The following TRPM3 variants were observed in gnomAD, a reference collection of about 807,000 sequenced individuals.
TRPM3 encodes long transient receptor potential channel 3.
Under a neutral mutation model 181.2 loss-of-function variants are expected in TRPM3, and 77 were observed. The observed-to-expected ratio is 0.42, with a 90% CI of 0.35 to 0.51. The LOEUF (loss-of-function observed/expected upper bound fraction) is 0.51, where lower values mean the gene tolerates loss of function less well. Among genes scored for constraint, TRPM3 ranks in the 20% least tolerant of loss-of-function variants. The pLI, the probability that TRPM3 is intolerant of heterozygous loss-of-function variation, is 0.01. For synonymous variants in TRPM3, 745 were observed against 796.4 expected, an observed-to-expected ratio of 0.94 and a Z score of 1.09; for missense variants, 1,759 against 2,196.7, an observed-to-expected ratio of 0.80 and a Z score of 3.98.
chr9:71,021,261 G>T (rs2097844723), intron 1 of TRPM3, among the ~76,000 whole-genome samples: 1 of 152,170 alleles, frequency 6.6e-6, no homozygotes. Context: ...ATGAGATTTT[G>T]GGAGGTGCTG....
At chr9:70,884,743 T>G (rs1196107924) in intron 1 of TRPM3, among the ~76,000 whole-genome samples, 1 of 152,162 alleles carries the variant, frequency 6.6e-6, no homozygotes, top group East Asian at 1.9e-4. Context: ...TGATTAAATA[T>G]AAATTATGAC....
intron 1 of TRPM3, among the ~76,000 whole-genome samples, chr9:71,119,635 G>A (rs2073185124): frequency 6.6e-6 from 1 of 152,094 alleles, no homozygotes; most frequent in African/African-American, 2.4e-5. Context: ...GGTTAAAGCT[G>A]ATACATGACT....
chr9:71,158,375 T>C (rs906550545), intron 1 of TRPM3, among the ~76,000 whole-genome samples: 11 of 152,096 alleles, frequency 7.2e-5, no homozygotes, highest in Non-Finnish European at 1.3e-4. Flanking sequence ...ACTACCTAAT[T>C]TAGTCATATC....
upstream of TRPM3, among the ~76,000 whole-genome samples, chr9:71,125,393 G>C (rs138577925): frequency 9.0e-3 from 1,362 of 152,138 alleles, 24 homozygotes; most frequent in African/African-American, 0.031. Flanking sequence ...TACCCTCCCT[G>C]TGTCCATGTG....
intron 1 of TRPM3, among the ~76,000 whole-genome samples, chr9:71,093,269 A>T (rs755601077): frequency 5.3e-5 from 8 of 152,214 alleles, no homozygotes; most frequent in Non-Finnish European, 1.0e-4. Context: ...CTGCACAACG[A>T]AAGAAACTAT....
intron 1 of TRPM3, among the ~76,000 whole-genome samples, chr9:71,311,251 G>A (rs960556820): frequency 1.3e-5 from 2 of 152,060 alleles, no homozygotes; most frequent in African/African-American, 4.8e-5. Flanking sequence ...CTTTTCTCCT[G>A]TACTTATGCT....
At position 70,863,842 on chromosome 9, in the gene TRPM3, G is replaced by A. The variant is rs73467880; in HGVS notation, c.257+590C>T. On this transcript the variant is annotated intron_variant, in intron 2 of 25. Coordinates refer to ENST00000677713, the MANE Select transcript of TRPM3 (RefSeq NM_001366145.2). ...TAGTTTTGAAGGTTAGGTAATTTGC[G>A]CAAGGTTACACGGATAGTCTCTAAG... Among the ~76,000 whole-genome samples the A allele has an allele frequency of 5.0e-3, 766 of 152,158 alleles. 9 individuals carry two copies. Among genetic ancestry groups the A allele is most frequent in the African/African-American group, 0.017 (721 of 41,548 alleles).
intron 1 of TRPM3, among the ~76,000 whole-genome samples, chr9:71,037,310 G>C (rs905134203): frequency 6.6e-6 from 1 of 152,182 alleles, no homozygotes; most frequent in Admixed American, 6.5e-5. Flanking sequence ...ACACCTCAGA[G>C]TTAAGTCTTG....
At chr9:71,441,415 A>G (rs1299372672) in intron 1 of TRPM3, among the ~76,000 whole-genome samples, 3 of 152,172 alleles carry the variant, frequency 2.0e-5, no homozygotes, top group Non-Finnish European at 2.9e-5. Flanking sequence ...CTCTGCTTTC[A>G]TCAGGAGAGC....
intron 1 of TRPM3, among the ~76,000 whole-genome samples, chr9:70,874,645 T>C (rs180697399): frequency 6.6e-6 from 1 of 152,090 alleles, no homozygotes; most frequent in Admixed American, 6.6e-5. Context: ...GCCAAAGAAA[T>C]GTGCTGAGTC....
chr9:71,096,580 ACACACACACACT>A (rs1396086964), intron 1 of TRPM3, among the ~76,000 whole-genome samples: 3 of 104,026 alleles, frequency 2.9e-5, no homozygotes, highest in Non-Finnish European at 5.9e-5. Context: ...ACACACACAC[ACACACACACACT>A]CTCTCTCTCT....
At chr9:71,389,646 C>G (rs937973457) in intron 1 of TRPM3, among the ~76,000 whole-genome samples, 1 of 152,058 alleles carries the variant, frequency 6.6e-6, no homozygotes, top group Non-Finnish European at 1.5e-5. Flanking sequence ...TGGAATACTA[C>G]TCAGCCATAA....
chr9:71,411,734 T>C (rs1011705586), intron 1 of TRPM3, among the ~76,000 whole-genome samples: 24 of 152,264 alleles, frequency 1.6e-4, no homozygotes, highest in Admixed American at 9.2e-4. Context: ...CTTCACAGAA[T>C]TGGAAAAAAC....
intron 1 of TRPM3, among the ~76,000 whole-genome samples, chr9:71,063,132 C>T (rs1167630753): frequency 6.6e-6 from 1 of 152,098 alleles, no homozygotes; most frequent in East Asian, 1.9e-4. Flanking sequence ...ATACTGGTCA[C>T]ATCATCAAAG....
At chr9:70,792,452 GGA>G (rs150566546) in intron 6 of TRPM3, among the ~76,000 whole-genome samples, 1 of 151,418 alleles carries the variant, frequency 6.6e-6, no homozygotes, top group Non-Finnish European at 1.5e-5. Context: ...GGGGGAGGAA[GGA>G]GAGAGAGAGG....
intron 12 of TRPM3, among the ~76,000 whole-genome samples, chr9:70,629,321 C>T (rs917854950): frequency 7.4e-5 from 11 of 149,196 alleles, no homozygotes; most frequent in South Asian, 2.1e-4. Flanking sequence ...CCTGCCTCTT[C>T]CGTTTTTTGT....
rs187894222 is a variant in TRPM3 at position 70,612,162 on chromosome 9, T to C, written c.2527-1413A>G. On this transcript the variant is annotated intron_variant, in intron 18 of 25. Coordinates refer to ENST00000677713, the MANE Select transcript of TRPM3 (RefSeq NM_001366145.2). ...CCTTCTTAGACACTCCTGACTAAAA[T>C]GATCTAGTTGAGATCACTCACTCAC... is the stretch of plus-strand genomic sequence containing the variant. Among the ~76,000 whole-genome samples the C allele has an allele frequency of 2.0e-5, 3 of 152,362 alleles. No individual in the cohort carries two copies. In the East Asian group the frequency reaches 5.8e-4, roughly 29 times the overall value.
At chr9:70,753,469 A>G (rs941318866) in intron 8 of TRPM3, among the ~76,000 whole-genome samples, 9 of 152,174 alleles carry the variant, frequency 5.9e-5, no homozygotes, top group Non-Finnish European at 1.3e-4. Context: ...AGCCTAATCC[A>G]ATTAGACTGA....
At chr9:70,917,235 C>A in intron 1 of TRPM3, 1 of 1,570,072 alleles carries the variant, frequency 6.4e-7, no homozygotes. Context: ...AGGGCAATAG[C>A]AGTGAGTGCA....
Sources: allele counts gnomAD v4.1 joint callset (sites outside exome capture counted in the v4.1 genomes callset), GRCh38; gene constraint gnomAD v4.1.1; transcripts MANE v1.5; gene names NCBI Gene and HGNC (gene_info 2026-07-23, HGNC 2026-07-21).